Variants in ADAMTS9 observed in about 807,000 individuals in gnomAD.
The protein encoded by ADAMTS9 is ADAM metallopeptidase with thrombospondin type 1 motif 9.
Under a neutral mutation model 257.1 loss-of-function variants are expected in ADAMTS9, and 107 were observed. The observed-to-expected ratio is 0.42, with a 90% CI of 0.36 to 0.49. The LOEUF (loss-of-function observed/expected upper bound fraction) is 0.49, where lower values mean the gene tolerates loss of function less well. ADAMTS9 is among the 20% of genes least tolerant of loss of function. The pLI, the probability that ADAMTS9 is intolerant of heterozygous loss-of-function variation, is 0.03. For synonymous variants in ADAMTS9, 982 were observed against 880.9 expected, an observed-to-expected ratio of 1.11 and a Z score of -2.03; for missense variants, 2,353 against 2,469.1, an observed-to-expected ratio of 0.95 and a Z score of 1.00.
At chr3:64,571,734 T>C (rs1385547939) in intron 28 of ADAMTS9, among the ~76,000 whole-genome samples, 1 of 152,224 alleles carries the variant, frequency 6.6e-6, no homozygotes, top group Non-Finnish European at 1.5e-5. Context: ...CTTTTAATGC[T>C]TTCTAACTTA....
intron 6 of ADAMTS9, 40 bp downstream of exon 6, chr3:64,655,536 C>T: frequency 6.6e-7 from 1 of 1,523,618 alleles, no homozygotes; most frequent in Non-Finnish European, 9.1e-7. Flanking sequence ...ATCAACTTGA[C>T]CTGAGACTGA....
intron 28 of ADAMTS9, among the ~76,000 whole-genome samples, chr3:64,573,932 G>T (rs1000224381): frequency 6.6e-6 from 1 of 152,090 alleles, no homozygotes. Context: ...AACCATGTGG[G>T]GCTTACCACA....
chr3:64,651,820 A>G (rs1700938541), intron 8 of ADAMTS9, among the ~76,000 whole-genome samples: 1 of 152,164 alleles, frequency 6.6e-6, no homozygotes, highest in Non-Finnish European at 1.5e-5. Context: ...GCCAGCACCA[A>G]TTGATTGGTA....
At chr3:64,643,061 C>G (rs959199414) in intron 11 of ADAMTS9, among the ~76,000 whole-genome samples, 6 of 152,174 alleles carry the variant, frequency 3.9e-5, no homozygotes, top group Non-Finnish European at 8.8e-5. Context: ...CTTACAGTAT[C>G]TGAGGGCACG....
At chr3:64,561,524 C>A in intron 30 of ADAMTS9, 54 bp downstream of exon 30, 8 of 1,560,016 alleles carry the variant, frequency 5.1e-6, no homozygotes, top group South Asian at 3.7e-5. Flanking sequence ...GTGAGGATAG[C>A]AAGGGGCGCA....
chr3:64,613,147 C>T (rs2084697735), intron 22 of ADAMTS9, among the ~76,000 whole-genome samples, 198 bp downstream of exon 22: 1 of 152,106 alleles, frequency 6.6e-6, no homozygotes, highest in Non-Finnish European at 1.5e-5. Flanking sequence ...TAATCAGCTC[C>T]AGGAGGGCAG....
intron 30 of ADAMTS9, among the ~76,000 whole-genome samples, chr3:64,561,033 C>A (rs1437153198): frequency 1.3e-5 from 2 of 150,946 alleles, no homozygotes; most frequent in African/African-American, 4.9e-5. Flanking sequence ...TCTGCACGGA[C>A]CATCAACGGA....
chr3:64,521,349 G>C (rs892294784), intron 39 of ADAMTS9: 1 of 152,204 alleles, frequency 6.6e-6, no homozygotes, highest in Non-Finnish European at 1.5e-5. Context: ...TGGTGGGACT[G>C]TAAATTAGTT....
At chr3:64,650,775 C>T in intron 9 of ADAMTS9, 1 of 413,738 alleles carries the variant, frequency 2.4e-6, no homozygotes, top group Admixed American at 4.8e-5. Flanking sequence ...GCAACATTTC[C>T]ACATCCTCTT....
Position 64,686,454 on chromosome 3 carries a change from G to A in ADAMTS9, c.516+114C>T, listed in dbSNP as rs1053276477. On this transcript the variant is annotated intron_variant, in intron 2 of 39. Coordinates refer to ENST00000498707, the MANE Select transcript of ADAMTS9 (RefSeq NM_182920.2). The surrounding 1 kb of genome is among the most constrained non-coding windows in gnomAD (Gnocchi z 4.6). Reference sequence around the variant, plus strand: ...GAGTTTCTAGCTGATATTTAACGCCGGAGAGGAGCGGAGCCTCGCCACAGT... The same window carrying A: ...GAGTTTCTAGCTGATATTTAACGCCAGAGAGGAGCGGAGCCTCGCCACAGT... The A allele has an allele frequency of 5.9e-6, 8 of 1,358,948 alleles. No homozygotes were observed. Among genetic ancestry groups the A allele is most frequent in the Admixed American group, 2.8e-5 (1 of 36,084 alleles). 84.2% of individuals were successfully genotyped at this position (1,358,948 alleles called of 1,614,324 possible). A position where few individuals can be genotyped will look rare whatever the true frequency, so the allele number is the denominator to read the frequency against.
chr3:64,649,871 G>T, intron 9 of ADAMTS9, 93 bp from the exon 10 acceptor site: 3 of 1,403,144 alleles, frequency 2.1e-6, no homozygotes, highest in Non-Finnish European at 2.9e-6. Flanking sequence ...CCATTGTAAT[G>T]GTAGAGAGGA....
chr3:64,648,785 C>A (rs1229929599), intron 10 of ADAMTS9, among the ~76,000 whole-genome samples: 1 of 152,058 alleles, frequency 6.6e-6, no homozygotes, highest in Non-Finnish European at 1.5e-5. Flanking sequence ...AGATCATTTT[C>A]AATTGCTATA....
intron 36 of ADAMTS9, among the ~76,000 whole-genome samples, chr3:64,540,427 T>A (rs1444407997): frequency 6.6e-6 from 1 of 152,216 alleles, no homozygotes; most frequent in African/African-American, 2.4e-5. Flanking sequence ...AGATGCAGTG[T>A]TGGCGAGAGT....
intron 16 of ADAMTS9, among the ~76,000 whole-genome samples, chr3:64,627,956 T>C (rs1319109962): frequency 1.3e-5 from 2 of 152,216 alleles, no homozygotes; most frequent in East Asian, 3.8e-4. Flanking sequence ...AATATTTACA[T>C]ATGCCAGACT....
chr3:64,658,593 C>T lies in ADAMTS9; in HGVS notation c.878G>A (p.Arg293Gln), dbSNP rs772774188. ...TGCCACCACCAAGACTTCTACAAAC[C>T]GTGGATAGGATAAAAAACGTTTTGT... is the stretch of plus-strand genomic sequence containing the variant. ...RRTKRFLSYP[R>Q]FVEVLVVADN... The change falls in exon 4 of 40, where the codon CGG (arginine) becomes CAG (glutamine). Residue 293 changes from arginine to glutamine, a missense_variant. This residue lies in a region of ADAMTS9 where 591 missense variants were observed against 569.6 expected (regional missense o/e 1.04). Coordinates refer to ENST00000498707, the MANE Select transcript of ADAMTS9 (RefSeq NM_182920.2). 11 of 1,613,960 alleles carry T rather than the reference C, an allele frequency of 6.8e-6. No homozygotes were observed. Among genetic ancestry groups the T allele is most frequent in the Admixed American group, 1.7e-5 (1 of 59,996 alleles).
intron 38 of ADAMTS9, among the ~76,000 whole-genome samples, chr3:64,529,278 T>G (rs2082948040): frequency 6.6e-6 from 1 of 152,246 alleles, no homozygotes; most frequent in Non-Finnish European, 1.5e-5. Context: ...TTTGACCAGT[T>G]CTGCTCTTGG....
intron 16 of ADAMTS9, among the ~76,000 whole-genome samples, chr3:64,623,359 G>A (rs1432330177): frequency 1.3e-5 from 2 of 152,204 alleles, no homozygotes; most frequent in Non-Finnish European, 2.9e-5. Context: ...CCCACAGAGA[G>A]GCCTGCAAGC....
At chr3:64,672,197 T>G (rs1293629933) in intron 3 of ADAMTS9, among the ~76,000 whole-genome samples, 1 of 152,218 alleles carries the variant, frequency 6.6e-6, no homozygotes, top group Non-Finnish European at 1.5e-5. Flanking sequence ...ATGGTTCCTA[T>G]GAAGGTGAAC....
intron 16 of ADAMTS9, among the ~76,000 whole-genome samples, chr3:64,623,015 G>C (rs1201968839): frequency 2.0e-5 from 3 of 152,154 alleles, no homozygotes; most frequent in Admixed American, 2.0e-4. Context: ...AATTAGTCAA[G>C]CCTGTTGAAT....
Sources: gnomAD v4.1 joint callset for allele counts (sites outside exome capture counted in the v4.1 genomes callset) on GRCh38, gnomAD v4.1.1 for gene constraint, gnomAD v4.1.1 regional missense constraint, Gnocchi (gnomAD v3.1) non-coding constraint, MANE v1.5 for transcripts, NCBI Gene and HGNC (gene_info 2026-07-23, HGNC 2026-07-21) for gene names.